The following FAM177A1 variants were observed in gnomAD, a reference collection of about 807,000 sequenced individuals.
FAM177A1 encodes protein FAM177A1.
A neutral mutation model predicts 26.1 loss-of-function variants in FAM177A1; 22 were observed. The ratio of observed to expected loss-of-function variants is 0.84; its 90% confidence interval spans 0.60 to 1.20. FAM177A1 has a LOEUF of 1.20. FAM177A1 is among the 50% of genes most tolerant of loss of function. The probability of loss-of-function intolerance (pLI) is 0.00; values close to 1 mark genes in which losing one functional copy is unlikely to be tolerated. For missense variants in FAM177A1, 296 were observed against 291.1 expected, an observed-to-expected ratio of 1.02 and a Z score of -0.12; for synonymous variants, 95 against 99.3, an observed-to-expected ratio of 0.96 and a Z score of 0.26.
At chr14:35,053,097 G>GC in intron 1 of FAM177A1, 181 bp from the exon 2 acceptor site, 2 of 567,276 alleles carry the variant, frequency 3.5e-6, no homozygotes, top group Non-Finnish European at 6.1e-6. Context: ...TATTTGGTCT[G>GC]CCATAGTCTT....
At chr14:35,074,597 A>G (rs953971533) in intron 2 of FAM177A1, among the ~76,000 whole-genome samples, 15 of 151,120 alleles carry the variant, frequency 9.9e-5, no homozygotes, top group Non-Finnish European at 1.9e-4. Flanking sequence ...AAGTGCTGGG[A>G]TTACAGACGT....
Position 35,046,714 on chromosome 14 carries a change from C to A in FAM177A1, c.165+86C>A, listed in dbSNP as rs2295103. 29 of 1,440,422 alleles carry A rather than the reference C, an allele frequency of 2.0e-5. 1 individual carries two copies. Among genetic ancestry groups the A allele is most frequent in the Non-Finnish European group, 2.6e-5 (28 of 1,092,796 alleles). 89.2% of individuals were successfully genotyped at this position (1,440,422 alleles called of 1,614,324 possible). On this transcript the variant is annotated intron_variant, in intron 1 of 4. Coordinates refer to ENST00000280987, the MANE Select transcript of FAM177A1 (RefSeq NM_173607.5). Reference sequence around the variant, plus strand: ...GGGCCGCTCTTTTAGCCTGCGCGGCCGTCCTCCGAGCAGGCCGCCCCAGCT... The same window carrying A: ...GGGCCGCTCTTTTAGCCTGCGCGGCAGTCCTCCGAGCAGGCCGCCCCAGCT...
At chr14:35,065,357 C>CTTTTTTTTT (rs1181451849) in intron 2 of FAM177A1, among the ~76,000 whole-genome samples, 1 of 91,886 alleles carries the variant, frequency 1.1e-5, no homozygotes, top group Non-Finnish European at 2.1e-5. Context: ...TCCATTGAAT[C>CTTTTTTTTT]TTTTTTTTTT....
At position 35,046,350 on chromosome 14, in the gene FAM177A1, G is replaced by A; in HGVS notation, c.-114G>A. On this transcript the variant is annotated 5_prime_UTR_variant, in exon 1 of 5. Coordinates refer to ENST00000280987, the MANE Select transcript of FAM177A1 (RefSeq NM_173607.5). ...GCGGGCTGGCCCCGCCCCTCAGGCC[G>A]GCGAGTCCCCTTCTCAGAGACTTGG... The A allele has an allele frequency of 7.9e-6, 10 of 1,263,766 alleles. No homozygotes were observed. The South Asian group carries it at 1.4e-4, about 18-fold the overall frequency. The allele number at this position is 1,263,766 out of a possible 1,614,324, so 78.3% of individuals were successfully genotyped here.
At chr14:35,077,878 A>G (rs1390902940) in intron 3 of FAM177A1, among the ~76,000 whole-genome samples, 2 of 152,204 alleles carry the variant, frequency 1.3e-5, no homozygotes, top group Admixed American at 6.5e-5. Context: ...TGCTTATTCT[A>G]AAGCCTGTAT....
chr14:35,064,033 G>A (rs1378072394), intron 2 of FAM177A1, among the ~76,000 whole-genome samples: 1 of 138,048 alleles, frequency 7.2e-6, no homozygotes, highest in East Asian at 2.1e-4. Flanking sequence ...TAACCACAGA[G>A]CGAGACTCTG....
intron 2 of FAM177A1, among the ~76,000 whole-genome samples, chr14:35,067,823 C>T (rs2138554144): frequency 6.6e-6 from 1 of 152,192 alleles, no homozygotes; most frequent in South Asian, 2.1e-4. Context: ...ATTCATATGC[C>T]TTCTCTTGAG....
At chr14:35,046,951 C>A in intron 1 of FAM177A1, 2 of 1,127,378 alleles carry the variant, frequency 1.8e-6, no homozygotes, top group Non-Finnish European at 1.1e-6. Flanking sequence ...TAGCTGGAAG[C>A]CAGGTGAGGG....
chr14:35,051,457 G>C (rs1021064269), intron 1 of FAM177A1, among the ~76,000 whole-genome samples: 5 of 152,104 alleles, frequency 3.3e-5, no homozygotes, highest in Non-Finnish European at 5.9e-5. Context: ...CTGTTGCCCA[G>C]GCTTGAGTGC....
chr14:35,062,072 C>T, intron 2 of FAM177A1, among the ~76,000 whole-genome samples: 1 of 152,304 alleles, frequency 6.6e-6, no homozygotes, highest in Admixed American at 6.5e-5. Context: ...CTTGGCTGTA[C>T]CAGTCTGAAG....
At chr14:35,050,473 C>T (rs2044948339) in intron 1 of FAM177A1, 1 of 152,124 alleles carries the variant, frequency 6.6e-6, no homozygotes, top group Non-Finnish European at 1.5e-5. Flanking sequence ...CCCCACCCCG[C>T]CTCCCAAATA....
intron 1 of FAM177A1, among the ~76,000 whole-genome samples, chr14:35,048,851 T>C (rs1031280430): frequency 6.6e-6 from 1 of 151,328 alleles, no homozygotes; most frequent in African/African-American, 2.4e-5. Context: ...GGTCTAGAAT[T>C]AGGCCTCCAA....
At chr14:35,058,095 CAG>C (rs1265272415) in intron 2 of FAM177A1, among the ~76,000 whole-genome samples, 1 of 151,974 alleles carries the variant, frequency 6.6e-6, no homozygotes, top group East Asian at 1.9e-4. Flanking sequence ...TTTTTCGAGA[CAG>C]AGTTTCACTC....
chr14:35,066,849 A>G (rs953543510), intron 2 of FAM177A1, among the ~76,000 whole-genome samples: 1 of 151,444 alleles, frequency 6.6e-6, no homozygotes, highest in African/African-American at 2.4e-5. Flanking sequence ...GCTGGAGCGC[A>G]ATGGCACAAT....
At chr14:35,057,388 T>TC (rs2045078475) in intron 2 of FAM177A1, among the ~76,000 whole-genome samples, 1 of 151,940 alleles carries the variant, frequency 6.6e-6, no homozygotes, top group Non-Finnish European at 1.5e-5. Context: ...TGTTATACCT[T>TC]CTTTTTTTTT....
chr14:35,073,552 A>G (rs1009754861), intron 2 of FAM177A1, among the ~76,000 whole-genome samples: 4 of 152,144 alleles, frequency 2.6e-5, no homozygotes, highest in African/African-American at 9.6e-5. Flanking sequence ...AGCATTGTCC[A>G]ATAACAAAAG....
chr14:35,053,174 GA>G (rs1350940486), intron 1 of FAM177A1, 103 bp from the exon 2 acceptor site: 1 of 1,059,654 alleles, frequency 9.4e-7, no homozygotes, highest in East Asian at 2.6e-5. Context: ...ACTGCTTAAA[GA>G]TTTATTTCTT....
chr14:35,079,689 C>T (rs2045450052), intron 4 of FAM177A1, among the ~76,000 whole-genome samples: 1 of 152,078 alleles, frequency 6.6e-6, no homozygotes, highest in Non-Finnish European at 1.5e-5. Context: ...TCGGGGGCTG[C>T]TCTACAGATT....
chr14:35,053,162 A>C, intron 1 of FAM177A1, 116 bp from the exon 2 acceptor site: 1 of 958,892 alleles, frequency 1.0e-6, no homozygotes, highest in Non-Finnish European at 1.5e-6. Flanking sequence ...GAACAAACCA[A>C]AACTGCTTAA....
Sources: allele counts gnomAD v4.1 joint callset (sites outside exome capture counted in the v4.1 genomes callset), GRCh38; gene constraint gnomAD v4.1.1; transcripts MANE v1.5; gene names NCBI Gene and HGNC (gene_info 2026-07-23, HGNC 2026-07-21).